AAK1: variants seen among roughly 807,000 people sequenced by gnomAD.
The protein encoded by AAK1 is AP2-associated protein kinase 1.
Under a neutral mutation model 116.0 loss-of-function variants are expected in AAK1, and 37 were observed. The ratio of observed to expected loss-of-function variants is 0.32; its 90% CI spans 0.25 to 0.42. The LOEUF (loss-of-function observed/expected upper bound fraction) is 0.42. Among genes scored for constraint, AAK1 ranks in the 10% least tolerant of loss-of-function variants. The pLI is 1.00. For synonymous variants in AAK1, 458 were observed against 439.9 expected, an observed-to-expected ratio of 1.04 and a Z score of -0.51; for missense variants, 919 against 1,170.6, an observed-to-expected ratio of 0.79 and a Z score of 3.14.
intron 15 of AAK1, 45 bp from the exon 16 acceptor site, chr2:69,505,718 C>T (rs757899737): frequency 6.9e-5 from 103 of 1,495,492 alleles, no homozygotes; most frequent in South Asian, 2.3e-4. Context: ...CAGAATCTTG[C>T]GAGGCACACA....
intron 16 of AAK1, among the ~76,000 whole-genome samples, chr2:69,501,849 T>C (rs1675991079): frequency 6.6e-6 from 1 of 152,078 alleles, no homozygotes; most frequent in Admixed American, 6.6e-5. Flanking sequence ...CGTGCAACTG[T>C]TGTCCCAGCT....
Position 69,473,962 on chromosome 2 carries a change from A to G in AAK1, c.*1907T>C, listed in dbSNP as rs1215713945. 6 of 985,674 alleles carry G rather than the reference A, an allele frequency of 6.1e-6. No individual in the cohort carries two copies. In the Admixed American group the frequency reaches 3.7e-4, roughly 61 times the overall value. The allele number at this position is 985,674 out of a possible 1,614,324, so 61.1% of individuals were successfully genotyped here. The stretch of plus-strand genomic sequence containing the variant: ...CTTTTGCTTTTTAATCCTCGGCAGG[A>G]AGCTTGTGCCTCTCTCAGTTTTGGA... On this transcript the variant is annotated 3_prime_UTR_variant, in exon 22 of 22. Transcript: ENST00000409085.
At chr2:69,627,394 A>G (rs930962481) in intron 2 of AAK1, among the ~76,000 whole-genome samples, 8 of 152,092 alleles carry the variant, frequency 5.3e-5, no homozygotes, top group Admixed American at 4.6e-4. Context: ...GATACATGCT[A>G]CACGGTGAAA....
chr2:69,496,971 T>C (rs1359582411), intron 16 of AAK1, among the ~76,000 whole-genome samples: 1 of 152,130 alleles, frequency 6.6e-6, no homozygotes, highest in Non-Finnish European at 1.5e-5. Flanking sequence ...TGGCAAAATA[T>C]AGATTTACAG....
At chr2:69,573,180 C>A (rs1270955375) in intron 2 of AAK1, among the ~76,000 whole-genome samples, 2 of 152,078 alleles carry the variant, frequency 1.3e-5, no homozygotes. Flanking sequence ...TCTTCCATAA[C>A]CAGAGTCTTG....
Position 69,465,784 on chromosome 2 carries a change from G to A in AAK1, c.*10085C>T. On this transcript the variant is annotated 3_prime_UTR_variant, in exon 22 of 22. Coordinates refer to ENST00000409085, the MANE Select transcript of AAK1 (RefSeq NM_014911.5). ...ATGCTGTCCAGATGGTCTGCTGCTTGTACAGAATGGGACAGGAGGTTAGAC... is the reference window on the plus strand; with the variant it reads ...ATGCTGTCCAGATGGTCTGCTGCTTATACAGAATGGGACAGGAGGTTAGAC... 1 of 1,290,878 alleles carries A rather than the reference G, an allele frequency of 7.7e-7. No individual in the cohort carries two copies. 80.0% of individuals were successfully genotyped at this position (1,290,878 alleles called of 1,614,324 possible).
rs998184871 is a variant in AAK1 at position 69,552,510 on chromosome 2, A to AG, written c.282+4349dup. Among the ~76,000 whole-genome samples the AG allele has an allele frequency of 1.3e-5, 2 of 152,118 alleles. 1 individual carries two copies. The highest frequency in any genetic ancestry group is 1.3e-4 in the Admixed American group (2 of 15,278). On this transcript the variant is annotated intron_variant, in intron 3 of 21. Coordinates refer to ENST00000409085, the MANE Select transcript of AAK1 (RefSeq NM_014911.5). ...GGCAAATCACTTGGGTCAGGAGTTGAGGACCAGCCTGGCCAACATGGTGAA... is the reference window on the plus strand; with the variant it reads ...GGCAAATCACTTGGGTCAGGAGTTGAGGGACCAGCCTGGCCAACATGGTGAA...
intron 2 of AAK1, among the ~76,000 whole-genome samples, chr2:69,602,368 ATTAGT>A (rs1276758173): frequency 9.2e-5 from 14 of 152,076 alleles, no homozygotes; most frequent in Admixed American, 5.2e-4. Context: ...TTTGTTTTTT[ATTAGT>A]TTAGTTTGTT....
In AAK1 at chr2:69,616,306, G is replaced by A. The variant is rs538933832; in HGVS notation, c.163+26572C>T. On this transcript the variant is annotated intron_variant, in intron 2 of 21. Coordinates refer to ENST00000409085, the MANE Select transcript of AAK1 (RefSeq NM_014911.5). Reference sequence around the variant, plus strand: ...CCACCATGCCCAGCTGCACAACATTGTTAATGTACTAAATGCCACTGAACT... The same window carrying A: ...CCACCATGCCCAGCTGCACAACATTATTAATGTACTAAATGCCACTGAACT... Among the ~76,000 whole-genome samples the A allele has an allele frequency of 7.9e-5, 12 of 152,164 alleles. No individual in the cohort carries two copies. In the East Asian group the frequency reaches 1.9e-3, roughly 24 times the overall value.
chr2:69,570,872 C>T (rs1572967220), intron 2 of AAK1, among the ~76,000 whole-genome samples: 1 of 152,348 alleles, frequency 6.6e-6, no homozygotes, highest in East Asian at 1.9e-4. Flanking sequence ...CCAGTGTTCT[C>T]TGATGCCTCT....
chr2:69,596,433 G>A (rs184723776), intron 2 of AAK1, among the ~76,000 whole-genome samples: 1 of 152,176 alleles, frequency 6.6e-6, no homozygotes, highest in East Asian at 1.9e-4. Context: ...TGTTGGCCAG[G>A]CTGGTCTTGA....
In AAK1 at chr2:69,465,438, C is replaced by A; in HGVS notation, c.*10431G>T. ...CAGGTTTTGCTCCTAGGGTTTCTTG[C>A]CTGATTTTGAAGGGAAGGGTGCTAG... On this transcript the variant is annotated 3_prime_UTR_variant, in exon 22 of 22. Transcript: ENST00000409085. 1 of 1,287,670 alleles carries A rather than the reference C, an allele frequency of 7.8e-7. No individual in the cohort carries two copies. Among genetic ancestry groups the A allele is most frequent in the Non-Finnish European group, 1.0e-6 (1 of 986,652 alleles). 79.8% of individuals were successfully genotyped at this position (1,287,670 alleles called of 1,614,324 possible).
intron 2 of AAK1, among the ~76,000 whole-genome samples, chr2:69,588,233 C>T (rs192785829): frequency 6.4e-4 from 98 of 152,280 alleles, no homozygotes; most frequent in African/African-American, 2.2e-3. Context: ...ATAAAGCACC[C>T]GGCACACATC....
intron 20 of AAK1, among the ~76,000 whole-genome samples, chr2:69,477,281 T>A (rs2104885810): frequency 6.6e-6 from 1 of 152,280 alleles, no homozygotes; most frequent in East Asian, 1.9e-4. Flanking sequence ...GAGGTATCTC[T>A]TCATTGTCAC....
At chr2:69,500,156 A>C (rs1028431357) in intron 16 of AAK1, 1 of 152,202 alleles carries the variant, frequency 6.6e-6, no homozygotes, top group Non-Finnish European at 1.5e-5. Flanking sequence ...AAAATCTGTA[A>C]ACAGTCTGAG....
chr2:69,617,128 G>A (rs1674368238), intron 2 of AAK1, among the ~76,000 whole-genome samples: 1 of 152,104 alleles, frequency 6.6e-6, no homozygotes, highest in Admixed American at 6.5e-5. Context: ...CCTGTGCCTA[G>A]GCCCTCATTC....
In AAK1 at chr2:69,575,464, A is replaced by ATT. The variant is rs947872572; in HGVS notation, c.164-18488_164-18487dup. The stretch of plus-strand genomic sequence containing the variant: ...GGCAAATAAAATCCAAGATAAACAA[A>ATT]TTTTTTTTTTTTTTTTTTTTTTGAG... On this transcript the variant is annotated intron_variant, in intron 2 of 21. Transcript: ENST00000409085. Among the ~76,000 whole-genome samples, 376 of 134,376 alleles carry ATT rather than the reference A, an allele frequency of 2.8e-3. 4 individuals carry two copies. Among genetic ancestry groups the ATT allele is most frequent in the African/African-American group, 4.5e-3 (160 of 35,894 alleles). The allele number at this position is 134,376 out of a possible 152,430, so 88.2% of individuals were successfully genotyped here.
chr2:69,607,624 C>T (rs905345063), intron 2 of AAK1, among the ~76,000 whole-genome samples: 4 of 151,896 alleles, frequency 2.6e-5, no homozygotes, highest in Admixed American at 6.6e-5. Context: ...ATCATGAAAA[C>T]CTTCTAGATT....
rs1449975938 is a variant in AAK1, at chr2:69,594,818, T to G, written c.164-37840A>C. 11 of 1,485,996 alleles carry G rather than the reference T, an allele frequency of 7.4e-6. No individual in the cohort carries two copies. In the East Asian group the frequency reaches 2.3e-4, roughly 31 times the overall value. 92.1% of individuals were successfully genotyped at this position (1,485,996 alleles called of 1,614,324 possible). ...TGCTTGCCTCTTTTAATAGCCAGCATTCTCTTAGACCTGCAGTTGGGCTCA... is the reference window on the plus strand; with the variant it reads ...TGCTTGCCTCTTTTAATAGCCAGCAGTCTCTTAGACCTGCAGTTGGGCTCA... On this transcript the variant is annotated intron_variant, in intron 2 of 21. Transcript: ENST00000409085.
Sources: gnomAD v4.1 joint callset for allele counts (sites outside exome capture counted in the v4.1 genomes callset) on GRCh38, gnomAD v4.1.1 for gene constraint, MANE v1.5 for transcripts, NCBI Gene and HGNC (gene_info 2026-07-23, HGNC 2026-07-21) for gene names.